SLC5A12: variants seen among roughly 807,000 people sequenced by gnomAD.
SLC5A12 encodes solute carrier family 5 member 12, also known as sodium-coupled monocarboxylate transporter 2.
Under a neutral mutation model 72.7 loss-of-function variants are expected in SLC5A12, and 46 were observed. The observed-to-expected ratio is 0.63, with a 90% CI of 0.50 to 0.81. The LOEUF (loss-of-function observed/expected upper bound fraction) is 0.81, where lower values mean the gene tolerates loss of function less well. Ranked by LOEUF, SLC5A12 falls within the 30% of genes least tolerant of loss-of-function variation. The pLI, the probability that SLC5A12 is intolerant of heterozygous loss-of-function variation, is 0.00. For missense variants in SLC5A12, 683 were observed against 740.7 expected, an observed-to-expected ratio of 0.92 and a Z score of 0.90; for synonymous variants, 275 against 264.4, an observed-to-expected ratio of 1.04 and a Z score of -0.39.
chr11:26,693,118 C>A (rs925388204), intron 8 of SLC5A12, among the ~76,000 whole-genome samples: 1 of 152,158 alleles, frequency 6.6e-6, no homozygotes, highest in East Asian at 1.9e-4. Flanking sequence ...ATTTAACAAC[C>A]AATTATTTAC....
rs950587655 is a variant in SLC5A12 at position 26,686,642 on chromosome 11, C to T, written c.1154-98G>A. On this transcript the variant is annotated intron_variant, in intron 9 of 14. Transcript: ENST00000396005. ...CTCAGAACTGTCTCTGATCCAAGCC[C>T]TTTGCAAAGGGATCTCAGCGAGGAC... 3.6e-5 allele frequency: 38 copies of T among 1,048,346 alleles called. 1 individual carries two copies. The South Asian group carries it at 4.9e-4, about 14-fold the overall frequency. The allele number at this position is 1,048,346 out of a possible 1,614,324, so 64.9% of individuals were successfully genotyped here.
intron 9 of SLC5A12, among the ~76,000 whole-genome samples, chr11:26,689,392 C>T (rs1854613499): frequency 6.6e-6 from 1 of 151,780 alleles, no homozygotes; most frequent in South Asian, 2.1e-4. Flanking sequence ...AAGAGTGAAA[C>T]TCTGTCTCAC....
Position 26,711,399 on chromosome 11 carries a change from A to C in SLC5A12, c.406-41T>G, listed in dbSNP as rs184401925. 72 of 1,538,250 alleles carry C rather than the reference A, an allele frequency of 4.7e-5. No homozygotes were observed. In the African/African-American group the frequency reaches 8.6e-4, roughly 18 times the overall value. ...GAATCAGATTGGCAGTGAGAAAGGGACATAGAAAGGAAAACTGCCTAGAAA... is the reference window on the plus strand; with the variant it reads ...GAATCAGATTGGCAGTGAGAAAGGGCCATAGAAAGGAAAACTGCCTAGAAA... On this transcript the variant is annotated intron_variant, in intron 2 of 14. Coordinates refer to ENST00000396005, the MANE Select transcript of SLC5A12 (RefSeq NM_178498.4).
chr11:26,672,182 G>T (rs775355996), intron 14 of SLC5A12, among the ~76,000 whole-genome samples: 2 of 152,062 alleles, frequency 1.3e-5, no homozygotes, highest in African/African-American at 4.8e-5. Flanking sequence ...CTCTGTAAAC[G>T]TGGTGCTCTT....
At chr11:26,679,299 C>A (rs1378339381) in intron 12 of SLC5A12, among the ~76,000 whole-genome samples, 3 of 152,070 alleles carry the variant, frequency 2.0e-5, no homozygotes, top group Non-Finnish European at 4.4e-5. Flanking sequence ...TGAGATGATA[C>A]CTCAGCTCAT....
intron 1 of SLC5A12, among the ~76,000 whole-genome samples, chr11:26,717,038 T>C (rs553465931): frequency 6.6e-6 from 1 of 152,264 alleles, no homozygotes; most frequent in South Asian, 2.1e-4. Flanking sequence ...ACAACAAATA[T>C]TATATAGCAC....
chr11:26,707,701 T>G (rs1373859214), intron 4 of SLC5A12, among the ~76,000 whole-genome samples: 1 of 152,076 alleles, frequency 6.6e-6, no homozygotes. Flanking sequence ...TCTTATTCAG[T>G]ATCTTTTAAT....
intron 4 of SLC5A12, among the ~76,000 whole-genome samples, chr11:26,707,970 T>C (rs970984059): frequency 5.9e-5 from 9 of 152,074 alleles, no homozygotes; most frequent in Non-Finnish European, 1.0e-4. Flanking sequence ...CTTAATGTTA[T>C]AGTCCCAAGC....
chr11:26,694,552 T>C (rs1854763297), intron 8 of SLC5A12, among the ~76,000 whole-genome samples: 1 of 152,120 alleles, frequency 6.6e-6, no homozygotes, highest in Non-Finnish European at 1.5e-5. Context: ...GCCAACACCA[T>C]AGGACAGTGT....
Position 26,694,041 on chromosome 11 carries a change from T to C in SLC5A12, c.1041-1440A>G, listed in dbSNP as rs1057270737. ...ACATCAAGGTTAATCTTTGAATCCT[T>C]TGGGCGGGAGGGAGCAGAAAGTTGA... On this transcript the variant is annotated intron_variant, in intron 8 of 14. Coordinates refer to ENST00000396005, the MANE Select transcript of SLC5A12 (RefSeq NM_178498.4). 5.3e-5 allele frequency among the ~76,000 whole-genome samples: 8 copies of C among 152,142 alleles called. No individual in the cohort carries two copies. In the South Asian group the frequency reaches 1.5e-3, roughly 28 times the overall value.
At chr11:26,681,640 AAGTAACCAGC>A (rs1854413659) in intron 11 of SLC5A12, among the ~76,000 whole-genome samples, 1 of 152,230 alleles carries the variant, frequency 6.6e-6, no homozygotes, top group South Asian at 2.1e-4. Flanking sequence ...CTCTCTTCCT[AAGTAACCAGC>A]AGAGTCCCCT....
At chr11:26,678,871 G>T in intron 12 of SLC5A12, 56 bp from the exon 13 acceptor site, 2 of 1,169,748 alleles carry the variant, frequency 1.7e-6, no homozygotes, top group Non-Finnish European at 2.5e-6. Flanking sequence ...CCACAGTGAT[G>T]TAGAGGACTG....
chr11:26,701,922 G>GA (rs1854966629), intron 6 of SLC5A12, among the ~76,000 whole-genome samples: 1 of 152,006 alleles, frequency 6.6e-6, no homozygotes, highest in Admixed American at 6.6e-5. Flanking sequence ...GTCTTGTGGG[G>GA]AAAAATGATT....
intron 10 of SLC5A12, among the ~76,000 whole-genome samples, chr11:26,685,192 T>G (rs1025935994): frequency 6.6e-6 from 1 of 152,212 alleles, no homozygotes; most frequent in Non-Finnish European, 1.5e-5. Context: ...AAGGATCAAG[T>G]AAGTTACACT....
chr11:26,697,251 A>T lies in SLC5A12; in HGVS notation c.953T>A (p.Leu318Gln). The T allele has an allele frequency of 6.2e-7, 1 of 1,609,418 alleles. No homozygotes were observed. Among genetic ancestry groups the T allele is most frequent in the Non-Finnish European group, 8.5e-7 (1 of 1,178,760 alleles). The change falls in exon 8 of 15, where the codon CTG (leucine) becomes CAG (glutamine). Residue 318 changes from leucine to glutamine, a missense_variant and splice_region_variant. Transcript: ENST00000396005. ...TATCTCCATGACAAAGTACGGCATC[A>T]GCTGAAGAGGAGGCAAAACATAAAA... ...TSGIISAPDQLMPYFVMEIFA... is the reference protein window; with the variant it reads ...TSGIISAPDQQMPYFVMEIFA...
At chr11:26,680,700 A>G (rs1490820656) in intron 12 of SLC5A12, among the ~76,000 whole-genome samples, 2 of 151,934 alleles carry the variant, frequency 1.3e-5, no homozygotes, top group Non-Finnish European at 2.9e-5. Context: ...GCTTGCCCAT[A>G]AGCATTATCC....
chr11:26,690,700 C>G (rs1033527659), intron 9 of SLC5A12, among the ~76,000 whole-genome samples: 1 of 148,266 alleles, frequency 6.7e-6, no homozygotes, highest in Admixed American at 6.7e-5. Flanking sequence ...TGCTTGTAAT[C>G]CCAGCTACTT....
At chr11:26,698,149 C>A (rs1230910069) in intron 7 of SLC5A12, among the ~76,000 whole-genome samples, 1 of 152,014 alleles carries the variant, frequency 6.6e-6, no homozygotes. Flanking sequence ...CTGCCCGCCT[C>A]GGCCTCCCAA....
Position 26,669,217 on chromosome 11 carries a change from T to TTCTC in SLC5A12, c.*1881_*1884dup, listed in dbSNP as rs1451437814. On this transcript the variant is annotated 3_prime_UTR_variant, in exon 15 of 15. Coordinates refer to ENST00000396005, the MANE Select transcript of SLC5A12 (RefSeq NM_178498.4). ...TTTCTTTCTTTCTTTCTTTCTTTCT[T>TTCTC]TCTCTCTCTCCCTCCCTCTTTCTTT... 5 of 81,694 alleles carry TTCTC rather than the reference T, an allele frequency of 6.1e-5. No individual in the cohort carries two copies. Among genetic ancestry groups the TTCTC allele is most frequent in the Admixed American group, 2.3e-4 (2 of 8,880 alleles). The allele number at this position is 81,694 out of a possible 1,614,324, so 5.1% of individuals were successfully genotyped here.
Sources: allele counts gnomAD v4.1 joint callset (sites outside exome capture counted in the v4.1 genomes callset), GRCh38; gene constraint gnomAD v4.1.1; transcripts MANE v1.5; gene names NCBI Gene and HGNC (gene_info 2026-07-23, HGNC 2026-07-21).